The following PTPRT variants were observed in gnomAD, a reference collection of about 807,000 sequenced individuals.
The protein encoded by PTPRT is receptor-type tyrosine-protein phosphatase T.
A neutral mutation model predicts 176.8 loss-of-function variants in PTPRT; 56 were observed. The observed-to-expected ratio is 0.32, with a 90% confidence interval of 0.26 to 0.40. PTPRT has a LOEUF of 0.40. Ranked by LOEUF, PTPRT falls within the 10% of genes least tolerant of loss-of-function variation. The probability of loss-of-function intolerance (pLI) is 1.00; values close to 1 mark genes in which losing one functional copy is unlikely to be tolerated. For synonymous variants in PTPRT, 783 were observed against 739.0 expected (o/e 1.06, Z -0.96); for missense variants, 1,540 against 1,908.2 (o/e 0.81, Z 3.60).
chr20:42,757,312 C>T (rs2145409438), intron 5 of PTPRT, among the ~76,000 whole-genome samples: 1 of 152,266 alleles, frequency 6.6e-6, no homozygotes. Context: ...CTTCAGCAGA[C>T]TTAGTGAAAA....
chr20:42,613,176 G>T (rs766172159), intron 7 of PTPRT, among the ~76,000 whole-genome samples: 12 of 152,210 alleles, frequency 7.9e-5, no homozygotes, highest in Non-Finnish European at 1.6e-4. Flanking sequence ...ACTGCGGCCA[G>T]TTGTACAGTA....
chr20:42,831,483 A>G (rs2078087415), intron 2 of PTPRT, among the ~76,000 whole-genome samples: 1 of 152,208 alleles, frequency 6.6e-6, no homozygotes, highest in Non-Finnish European at 1.5e-5. Flanking sequence ...AGATTTCATG[A>G]CAAAGATACC....
intron 5 of PTPRT, among the ~76,000 whole-genome samples, chr20:42,763,490 T>A (rs1319061398): frequency 6.6e-6 from 1 of 152,170 alleles, no homozygotes; most frequent in Admixed American, 6.5e-5. Flanking sequence ...GATAAAAATA[T>A]AAAAATAAAA....
chr20:42,781,742 T>C (rs894197689), intron 3 of PTPRT, among the ~76,000 whole-genome samples: 3 of 152,212 alleles, frequency 2.0e-5, no homozygotes, highest in Non-Finnish European at 2.9e-5. Flanking sequence ...TAATATGATC[T>C]GGAACTTCCC....
intron 1 of PTPRT, among the ~76,000 whole-genome samples, chr20:42,993,334 C>T (rs1035587910): frequency 6.8e-6 from 1 of 147,672 alleles, no homozygotes; most frequent in Non-Finnish European, 1.5e-5. Flanking sequence ...AGGAGACTGG[C>T]GTGAACCTGG....
intron 6 of PTPRT, among the ~76,000 whole-genome samples, chr20:42,682,911 T>C (rs1282862802): frequency 6.6e-6 from 1 of 152,214 alleles, no homozygotes; most frequent in Non-Finnish European, 1.5e-5. Context: ...AGAGTAAAAG[T>C]GTTTCAAATA....
intron 19 of PTPRT, among the ~76,000 whole-genome samples, chr20:42,123,525 AGAG>A (rs1395262603): frequency 1.3e-5 from 2 of 152,314 alleles, no homozygotes; most frequent in African/African-American, 4.8e-5. Context: ...GGGTCCCCTC[AGAG>A]GAGGTGGTGG....
chr20:42,396,438 A>G (rs888779570), intron 9 of PTPRT, among the ~76,000 whole-genome samples: 2 of 152,142 alleles, frequency 1.3e-5, no homozygotes, highest in Non-Finnish European at 2.9e-5. Context: ...TTGTCAGCAG[A>G]GCAGACAACA....
chr20:42,328,779 G>A (rs183067594), intron 11 of PTPRT, among the ~76,000 whole-genome samples: 82 of 152,196 alleles, frequency 5.4e-4, no homozygotes, highest in African/African-American at 1.9e-3. Context: ...ATTTGGCAAC[G>A]TTGCCCGGAA....
At chr20:42,319,202 A>G (rs893325740) in intron 11 of PTPRT, among the ~76,000 whole-genome samples, 1 of 151,764 alleles carries the variant, frequency 6.6e-6, no homozygotes, top group African/African-American at 2.4e-5. Context: ...GTGATTCATG[A>G]GGGTCAAACT....
chr20:42,271,881 A>G (rs2147004427), intron 13 of PTPRT, among the ~76,000 whole-genome samples: 1 of 152,370 alleles, frequency 6.6e-6, no homozygotes, highest in South Asian at 2.1e-4. Flanking sequence ...ACCAACTGAT[A>G]AACAAAAAAT....
intron 2 of PTPRT, among the ~76,000 whole-genome samples, chr20:42,807,081 GA>G (rs2077621439): frequency 6.6e-6 from 1 of 152,186 alleles, no homozygotes; most frequent in Non-Finnish European, 1.5e-5. Context: ...AGCAGGATGT[GA>G]AAAGAAAGGT....
intron 6 of PTPRT, among the ~76,000 whole-genome samples, chr20:42,739,420 G>C (rs1569124613): frequency 6.6e-6 from 1 of 152,182 alleles, no homozygotes; most frequent in Non-Finnish European, 1.5e-5. Context: ...GGGACTATCA[G>C]TAGCAGCAGA....
intron 9 of PTPRT, among the ~76,000 whole-genome samples, chr20:42,376,538 G>C (rs2058650283): frequency 6.6e-6 from 1 of 152,116 alleles, no homozygotes; most frequent in South Asian, 2.1e-4. Context: ...GGCTCTCTGG[G>C]GAGAAGTTCA....
At chr20:42,254,147 G>A (rs2056596367) in intron 13 of PTPRT, among the ~76,000 whole-genome samples, 1 of 152,062 alleles carries the variant, frequency 6.6e-6, no homozygotes. Flanking sequence ...TTTTCCCCAA[G>A]GATTACTGAG....
chr20:42,823,098 T>C (rs548099803), intron 2 of PTPRT, among the ~76,000 whole-genome samples: 52 of 152,276 alleles, frequency 3.4e-4, no homozygotes, highest in African/African-American at 1.3e-3. Flanking sequence ...GTATGTTTAG[T>C]GCAGCACTAT....
At chr20:42,459,524 G>A (rs1469157218) in intron 8 of PTPRT, among the ~76,000 whole-genome samples, 2 of 152,208 alleles carry the variant, frequency 1.3e-5, no homozygotes, top group African/African-American at 4.8e-5. Flanking sequence ...ACAGTGGTTT[G>A]GACCTAAGGG....
Position 42,725,277 on chromosome 20 carries a change from C to CA in PTPRT, c.859+31184dup, listed in dbSNP as rs200030071. On this transcript the variant is annotated intron_variant, in intron 6 of 30. Transcript: ENST00000373187. ...CCTAGGTGACAGAGTGAGACTGTCT[C>CA]AAAAAAAGAAAGAAAAAAAAACCTT... Among the ~76,000 whole-genome samples, 1,032 of 150,190 alleles carry CA rather than the reference C, an allele frequency of 6.9e-3. 15 individuals are homozygous for CA. The highest frequency in any genetic ancestry group is 0.024 in the African/African-American group (983 of 40,912).
intron 1 of PTPRT, among the ~76,000 whole-genome samples, chr20:43,038,860 T>C (rs1986491420): frequency 6.6e-6 from 1 of 151,484 alleles, no homozygotes; most frequent in Admixed American, 6.6e-5. Flanking sequence ...TACAGATAAA[T>C]AAAAAATAAA....
Sources: gnomAD v4.1 joint callset for allele counts (sites outside exome capture counted in the v4.1 genomes callset) on GRCh38, gnomAD v4.1.1 for gene constraint, MANE v1.5 for transcripts, NCBI Gene and HGNC (gene_info 2026-07-23, HGNC 2026-07-21) for gene names.